UBR1: variants seen among roughly 807,000 people sequenced by gnomAD.
UBR1 encodes ubiquitin protein ligase E3 component n-recognin 1.
Under a neutral mutation model 242.1 loss-of-function variants are expected in UBR1, and 102 were observed. The observed-to-expected ratio is 0.42, with a 90% CI of 0.36 to 0.50. UBR1 has a LOEUF of 0.50. Ranked by LOEUF, UBR1 falls within the 20% of genes least tolerant of loss-of-function variation. The pLI, the probability that UBR1 is intolerant of heterozygous loss-of-function variation, is 0.01. For missense variants in UBR1, 1,772 were observed against 2,101.8 expected (o/e 0.84, Z 3.07); for synonymous variants, 675 against 684.8 (o/e 0.99, Z 0.22).
At chr15:43,022,222 T>C (rs902666663) in intron 26 of UBR1, among the ~76,000 whole-genome samples, 1 of 152,144 alleles carries the variant, frequency 6.6e-6, no homozygotes, top group Non-Finnish European at 1.5e-5. Flanking sequence ...CTTAATCAGG[T>C]AGCATTTATT....
intron 39 of UBR1, among the ~76,000 whole-genome samples, chr15:42,973,706 A>C (rs1467710589): frequency 6.6e-6 from 1 of 152,088 alleles, no homozygotes; most frequent in African/African-American, 2.4e-5. Context: ...ACTTTTTCCC[A>C]GAATGTGGCT....
intron 33 of UBR1, among the ~76,000 whole-genome samples, chr15:42,992,600 C>T (rs1453402652): frequency 6.6e-6 from 1 of 152,188 alleles, no homozygotes; most frequent in African/African-American, 2.4e-5. Flanking sequence ...CTTCTCAAAA[C>T]TTTGGCTATG....
chr15:43,062,575 A>T (rs1418003533), intron 6 of UBR1, among the ~76,000 whole-genome samples: 2 of 152,046 alleles, frequency 1.3e-5, no homozygotes, highest in African/African-American at 4.8e-5. Flanking sequence ...AAAATGGTAA[A>T]TTTTATGTTA....
Position 43,105,948 on chromosome 15 carries a change from C to A in UBR1, c.75G>T (p.Leu25=). 1 of 1,614,002 alleles carries A rather than the reference C, an allele frequency of 6.2e-7. No individual in the cohort carries two copies. The highest frequency in any genetic ancestry group is 8.5e-7 in the Non-Finnish European group (1 of 1,179,998). The change falls in exon 1 of 47, where the codon CTG becomes CTT. Residue 25 remains leucine, a synonymous_variant. Transcript: ENST00000290650. The stretch of plus-strand genomic sequence containing the variant: ...CTTGCCTATAGGGACTTACAGATGC[C>A]AGACGCTGAGGGGTCTGGGGTAACT... ...SAELPQTPQR[L]ASWWDQQVDF...
rs751466223 is a variant in UBR1 at position 42,976,871 on chromosome 15, T to C, written c.4219-4A>G. The C allele has an allele frequency of 9.3e-6, 15 of 1,613,224 alleles. No individual in the cohort carries two copies. Among genetic ancestry groups the C allele is most frequent in the Non-Finnish European group, 1.3e-5 (15 of 1,179,536 alleles). On this transcript the variant is annotated splice_region_variant and splice_polypyrimidine_tract_variant and intron_variant, in intron 38 of 46. Coordinates refer to ENST00000290650, the MANE Select transcript of UBR1 (RefSeq NM_174916.3). ...GGAATGCTAACACAGCACCCACCTA[T>C]GAGAGAAAAATGGACATCAATATGG...
At chr15:43,075,900 C>G (rs2033883580) in intron 3 of UBR1, among the ~76,000 whole-genome samples, 1 of 151,806 alleles carries the variant, frequency 6.6e-6, no homozygotes, top group Non-Finnish European at 1.5e-5. Context: ...TAGGCATAAG[C>G]CACCATGCCC....
At chr15:43,005,925 C>G (rs1394069511) in intron 30 of UBR1, among the ~76,000 whole-genome samples, 3 of 149,608 alleles carry the variant, frequency 2.0e-5, no homozygotes, top group Non-Finnish European at 4.5e-5. Flanking sequence ...TCCCTAATCT[C>G]AAGTACCCAG....
At chr15:43,084,740 C>T (rs1030052012) in intron 2 of UBR1, among the ~76,000 whole-genome samples, 2 of 152,154 alleles carry the variant, frequency 1.3e-5, no homozygotes, top group African/African-American at 4.8e-5. Flanking sequence ...GGCATGACCA[C>T]AGCGCCTGGC....
At chr15:43,093,239 G>A (rs2034124124) in intron 1 of UBR1, among the ~76,000 whole-genome samples, 1 of 152,162 alleles carries the variant, frequency 6.6e-6, no homozygotes, top group African/African-American at 2.4e-5. Context: ...TCTGAAAAAG[G>A]AACTTACTTA....
chr15:43,005,271 C>A (rs998976523), intron 30 of UBR1, among the ~76,000 whole-genome samples: 26 of 151,438 alleles, frequency 1.7e-4, no homozygotes, highest in Non-Finnish European at 3.0e-5. Context: ...CGGCCAGCTG[C>A]CCCTTCCGGG....
At chr15:42,956,192 C>T (rs1311418064) in intron 44 of UBR1, among the ~76,000 whole-genome samples, 2 of 152,142 alleles carry the variant, frequency 1.3e-5, no homozygotes, top group African/African-American at 2.4e-5. Flanking sequence ...TGTTTAATAA[C>T]GGTTCTTGTG....
chr15:43,038,033 T>G, intron 16 of UBR1, 138 bp downstream of exon 16: 3 of 1,201,610 alleles, frequency 2.5e-6, no homozygotes, highest in Admixed American at 2.0e-5. Context: ...CAGATTACAA[T>G]GTACTATATG....
chr15:43,102,315 A>G (rs1305188000), intron 1 of UBR1, among the ~76,000 whole-genome samples: 2 of 152,226 alleles, frequency 1.3e-5, no homozygotes, highest in African/African-American at 4.8e-5. Flanking sequence ...CTTGGGTTAC[A>G]GCAGCAACTT....
rs1596077156 is a variant in UBR1 at position 42,963,865 on chromosome 15, G to T, written c.4700+70C>A. 3.3e-6 allele frequency: 4 copies of T among 1,228,900 alleles called. No homozygotes were observed. In the East Asian group the frequency reaches 7.1e-5, roughly 22 times the overall value. 76.1% of individuals were successfully genotyped at this position (1,228,900 alleles called of 1,614,324 possible). A position where few individuals can be genotyped will look rare whatever the true frequency, so the allele number is the denominator to read the frequency against. On this transcript the variant is annotated intron_variant, in intron 42 of 46. Transcript: ENST00000290650. ...CAGTGCTGATTGAACTAAAAGCTTA[G>T]CAAGTAATTGTAATTTTAAAATTTC...
intron 5 of UBR1, among the ~76,000 whole-genome samples, chr15:43,069,261 G>A (rs1318557205): frequency 2.0e-5 from 3 of 151,892 alleles, no homozygotes; most frequent in East Asian, 1.9e-4. Flanking sequence ...CAGCTGCCAC[G>A]GGCTACATAT....
At chr15:43,050,723 TAA>T (rs71108195) in intron 12 of UBR1, among the ~76,000 whole-genome samples, 18 of 118,540 alleles carry the variant, frequency 1.5e-4, no homozygotes, top group Non-Finnish European at 1.3e-4. Context: ...GACTCCGTCT[TAA>T]AAAAAAAAAA....
At position 42,952,329 on chromosome 15, in the gene UBR1, G is replaced by A; in HGVS notation, c.4955C>T (p.Ala1652Val). ...QEIVNGEEVGACIFHALHCGA... is the reference protein window; with the variant it reads ...QEIVNGEEVGVCIFHALHCGA... ...ACAGTGAAGTGCGTGAAAAATGCAA[G>A]CTCCAACCTCTTCCCCGTTCACAAT... The change falls in exon 45 of 47, where the codon GCT becomes GTT. Residue 1652 changes from alanine to valine, a missense_variant. By Grantham distance (64) the Ala-to-Val change is moderately conservative. Coordinates refer to ENST00000290650, the MANE Select transcript of UBR1 (RefSeq NM_174916.3). 1 of 1,614,160 alleles carries A rather than the reference G, an allele frequency of 6.2e-7. No homozygotes were observed.
intron 27 of UBR1, 104 bp from the exon 28 acceptor site, chr15:43,017,285 C>A: frequency 1.3e-6 from 1 of 786,064 alleles, no homozygotes; most frequent in South Asian, 1.5e-5. Flanking sequence ...CTCCAAATGT[C>A]TTTCACTTAA....
intron 21 of UBR1, among the ~76,000 whole-genome samples, chr15:43,028,910 C>T (rs1038127277): frequency 6.6e-6 from 1 of 151,882 alleles, no homozygotes; most frequent in Non-Finnish European, 1.5e-5. Context: ...ATGGTGAAAT[C>T]CCATCTCTAC....
Sources: gnomAD v4.1 joint callset for allele counts (sites outside exome capture counted in the v4.1 genomes callset) on GRCh38, gnomAD v4.1.1 for gene constraint, MANE v1.5 for transcripts, NCBI Gene and HGNC (gene_info 2026-07-23, HGNC 2026-07-21) for gene names.